The following XIRP2 variants were observed in gnomAD, a reference collection of about 807,000 sequenced individuals.
XIRP2 encodes xin actin-binding repeat-containing protein 2.
A neutral mutation model predicts 277.0 loss-of-function variants in XIRP2; 236 were observed. The observed-to-expected ratio is 0.85, with a 90% CI of 0.77 to 0.95. The LOEUF is 0.95. Ranked by LOEUF, XIRP2 falls within the 40% of genes least tolerant of loss-of-function variation. XIRP2 has a pLI of 0.00. For synonymous variants in XIRP2, 1,490 were observed against 1,416.5 expected, an observed-to-expected ratio of 1.05 and a Z score of -1.17; for missense variants, 4,640 against 4,157.5, an observed-to-expected ratio of 1.12 and a Z score of -3.19.
At chr2:167,127,767 T>C (rs1474313575) in intron 2 of XIRP2, among the ~76,000 whole-genome samples, 3 of 152,196 alleles carry the variant, frequency 2.0e-5, no homozygotes, top group Non-Finnish European at 4.4e-5. Context: ...AGAATGAAAC[T>C]CCAGCATCAT....
intron 3 of XIRP2, among the ~76,000 whole-genome samples, chr2:167,139,910 A>C (rs929678197): frequency 2.9e-4 from 44 of 152,198 alleles, no homozygotes; most frequent in African/African-American, 1.0e-3. Flanking sequence ...GTAAATCGTC[A>C]TGATATTGGA....
chr2:166,959,491 G>T (rs1686247975), intron 2 of XIRP2, among the ~76,000 whole-genome samples: 1 of 151,738 alleles, frequency 6.6e-6, no homozygotes, highest in African/African-American at 2.4e-5. Context: ...AGAAATGCAG[G>T]GGGAAGGAAA....
intron 9 of XIRP2, among the ~76,000 whole-genome samples, chr2:167,253,273 A>C (rs899025398): frequency 3.9e-5 from 6 of 151,952 alleles, no homozygotes; most frequent in South Asian, 4.1e-4. Context: ...TTATTCATAG[A>C]GGCTAACATT....
chr2:167,067,740 A>G (rs1689335965), intron 2 of XIRP2, among the ~76,000 whole-genome samples: 2 of 152,226 alleles, frequency 1.3e-5, no homozygotes, highest in African/African-American at 4.8e-5. Context: ...TCAATCTGTG[A>G]AAAATGCACT....
At chr2:166,998,019 G>T (rs1027256835) in intron 2 of XIRP2, among the ~76,000 whole-genome samples, 1 of 152,014 alleles carries the variant, frequency 6.6e-6, no homozygotes, top group Non-Finnish European at 1.5e-5. Flanking sequence ...AGTAGAGAGA[G>T]ATATTATGAA....
chr2:166,903,436 C>G, intron 1 of XIRP2, 29 bp from the exon 2 acceptor site: 3 of 1,566,942 alleles, frequency 1.9e-6, no homozygotes, highest in South Asian at 2.4e-5. Context: ...CTGAGTGTAT[C>G]ACTGATAAAA....
At chr2:166,891,294 G>T (rs1278960715) in intron 1 of XIRP2, among the ~76,000 whole-genome samples, 3 of 152,044 alleles carry the variant, frequency 2.0e-5, no homozygotes, top group Admixed American at 6.6e-5. Flanking sequence ...ATGTGAATGT[G>T]GAGATAAAAG....
chr2:167,087,051 GT>G (rs1558974683), intron 2 of XIRP2, among the ~76,000 whole-genome samples: 2 of 151,140 alleles, frequency 1.3e-5, no homozygotes, highest in Admixed American at 6.6e-5. Context: ...TTTCTGTTCT[GT>G]TTTTTCCCCA....
intron 2 of XIRP2, among the ~76,000 whole-genome samples, chr2:167,065,248 T>A (rs1417708318): frequency 2.0e-5 from 3 of 151,976 alleles, no homozygotes; most frequent in Non-Finnish European, 2.9e-5. Context: ...ATTTTCTTAA[T>A]AAATAGTGAT....
intron 2 of XIRP2, among the ~76,000 whole-genome samples, chr2:167,039,326 T>C (rs1278791086): frequency 6.6e-6 from 1 of 152,208 alleles, no homozygotes; most frequent in African/African-American, 2.4e-5. Flanking sequence ...ATTCAATTAC[T>C]CACTCATTTA....
At position 167,250,453 on chromosome 2, in the gene XIRP2, G is replaced by A; in HGVS notation, c.9061G>A (p.Asp3021Asn). Residue 3021 changes from aspartate to asparagine, a missense_variant, in exon 9 of 11, where the codon GAT (aspartate) becomes AAT (asparagine). Transcript: ENST00000409195. ...EITHIKTQAE[D>N]MLVSYENIIQ... is the part of the protein sequence containing the mutation. ...AACACATATTAAAACTCAAGCGGAA[G>A]ATATGCTTGTGTCCTATGAAAATAT... 6.2e-7 allele frequency: 1 copy of A among 1,613,290 alleles called. No individual in the cohort carries two copies. Among genetic ancestry groups the A allele is most frequent in the South Asian group, 1.1e-5 (1 of 90,972 alleles).
Position 166,981,141 on chromosome 2 carries a change from A to G in XIRP2, c.408+77251A>G, listed in dbSNP as rs575114719. ...TTTGCTTTAATTAGTGTATTAATTT[A>G]TTGGGGCTTCCATAACAAGCATCAG... On this transcript the variant is annotated intron_variant, in intron 2 of 10. Coordinates refer to ENST00000409195, the MANE Select transcript of XIRP2 (RefSeq NM_152381.6). 2.6e-5 allele frequency among the ~76,000 whole-genome samples: 4 copies of G among 152,262 alleles called. No individual in the cohort carries two copies. The South Asian group carries it at 8.3e-4, about 32-fold the overall frequency.
At chr2:167,035,404 G>T (rs537939994) in intron 2 of XIRP2, among the ~76,000 whole-genome samples, 2 of 152,286 alleles carry the variant, frequency 1.3e-5, no homozygotes, top group African/African-American at 2.4e-5. Context: ...TGGAGATAAA[G>T]AACTTGTTGG....
chr2:166,896,165 GA>G (rs761131931), intron 1 of XIRP2, among the ~76,000 whole-genome samples: 2 of 152,020 alleles, frequency 1.3e-5, no homozygotes, highest in Non-Finnish European at 2.9e-5. Context: ...TATAACGGAG[GA>G]AAAACATCCC....
chr2:167,249,676 C>T lies in XIRP2; in HGVS notation c.8284C>T (p.His2762Tyr), dbSNP rs776074194. The T allele has an allele frequency of 1.2e-6, 2 of 1,613,430 alleles. No individual in the cohort carries two copies. Among genetic ancestry groups the T allele is most frequent in the Non-Finnish European group, 1.7e-6 (2 of 1,179,744 alleles). ...KKTEASTECS[H>Y]KQSLAERHYQ... is the part of the protein sequence containing the mutation. ...AACTGAAGCAAGCACTGAATGTAGT[C>T]ATAAGCAATCTCTGGCTGAAAGACA... Residue 2762 changes from histidine (H) to tyrosine (Y), a missense_variant, in exon 9 of 11, where the codon CAT becomes TAT. Coordinates refer to ENST00000409195, the MANE Select transcript of XIRP2 (RefSeq NM_152381.6).
chr2:167,093,604 G>T lies in XIRP2; in HGVS notation c.409-42305G>T, dbSNP rs148060913. Among the ~76,000 whole-genome samples the T allele has an allele frequency of 8.6e-4, 131 of 152,162 alleles. 3 individuals are homozygous for T. In the East Asian group the frequency reaches 0.024, roughly 28 times the overall value. On this transcript the variant is annotated intron_variant, in intron 2 of 10. Transcript: ENST00000409195. ...GTTCCTGTGTTAGTTTACTGAGAATGATGCTTTCCACCTTGATCCATGTCC... is the reference window on the plus strand; with the variant it reads ...GTTCCTGTGTTAGTTTACTGAGAATTATGCTTTCCACCTTGATCCATGTCC...
chr2:167,083,727 A>G (rs1159233320), intron 2 of XIRP2, among the ~76,000 whole-genome samples: 1 of 152,188 alleles, frequency 6.6e-6, no homozygotes, highest in Non-Finnish European at 1.5e-5. Flanking sequence ...CAGTTCACTC[A>G]TGATTTGGCT....
At chr2:167,005,514 G>A (rs115110825) in intron 2 of XIRP2, among the ~76,000 whole-genome samples, 1 of 151,746 alleles carries the variant, frequency 6.6e-6, no homozygotes, top group East Asian at 1.9e-4. Flanking sequence ...AAACAACTGA[G>A]AATTATTTAG....
intron 3 of XIRP2, among the ~76,000 whole-genome samples, chr2:167,142,847 C>A (rs914246315): frequency 6.6e-6 from 1 of 151,864 alleles, no homozygotes; most frequent in African/African-American, 2.4e-5. Flanking sequence ...GAATAAAAAG[C>A]CCAGTCACTA....
Sources: allele counts gnomAD v4.1 joint callset (sites outside exome capture counted in the v4.1 genomes callset), GRCh38; gene constraint gnomAD v4.1.1; transcripts MANE v1.5; gene names NCBI Gene and HGNC (gene_info 2026-07-23, HGNC 2026-07-21).